The following STARD6 variants were observed in gnomAD, a reference collection of about 807,000 sequenced individuals.
STARD6 encodes the protein stAR-related lipid transfer protein 6.
STARD6 carries 21 observed loss-of-function variants against 22.3 expected under a neutral mutation model. The observed-to-expected ratio is 0.94, with a 90% CI of 0.67 to 1.35. The LOEUF (loss-of-function observed/expected upper bound fraction) is 1.35, where lower values mean the gene tolerates loss of function less well. Among genes scored for constraint, STARD6 ranks in the 40% most tolerant of loss-of-function variants. The pLI is 0.00. For missense variants in STARD6, 269 were observed against 266.9 expected (o/e 1.01, Z -0.05); for synonymous variants, 80 against 88.1 (o/e 0.91, Z 0.52).
chr18:54,330,050 G>T (rs1011456911), intron 6 of STARD6, among the ~76,000 whole-genome samples: 1 of 151,590 alleles, frequency 6.6e-6, no homozygotes, highest in Admixed American at 6.6e-5. Context: ...ATGCAGAGGG[G>T]GGTGGTTTAT....
intron 4 of STARD6, among the ~76,000 whole-genome samples, chr18:54,338,078 C>T (rs1212071418): frequency 6.6e-6 from 1 of 152,108 alleles, no homozygotes; most frequent in Non-Finnish European, 1.5e-5. Context: ...TAAGTATTTC[C>T]CAAGCCACAT....
rs2088865507 is a variant in STARD6, at chr18:54,331,634, A to C, written c.385+108T>G. The stretch of plus-strand genomic sequence containing the variant: ...ATTGTTGATCCCACTAAGTAAATTT[A>C]AAAAGGAAATAATTAAAATATAATT... On this transcript the variant is annotated intron_variant, in intron 6 of 7. Transcript: ENST00000307844. The C allele has an allele frequency of 1.8e-5, 15 of 811,188 alleles. No homozygotes were observed. The South Asian group carries it at 2.7e-4, about 15-fold the overall frequency. 50.2% of individuals were successfully genotyped at this position (811,188 alleles called of 1,614,324 possible). A position where few individuals can be genotyped will look rare whatever the true frequency, so the allele number is the denominator to read the frequency against.
intron 4 of STARD6, among the ~76,000 whole-genome samples, chr18:54,346,487 T>C (rs1002349418): frequency 3.3e-5 from 5 of 152,024 alleles, no homozygotes; most frequent in Admixed American, 2.6e-4. Context: ...GGCCAGTCTC[T>C]AAAATGATCT....
At chr18:54,350,606 A>G (rs1450439280) in intron 4 of STARD6, among the ~76,000 whole-genome samples, 2 of 152,140 alleles carry the variant, frequency 1.3e-5, no homozygotes, top group African/African-American at 2.4e-5. Context: ...TAGAGTTTTT[A>G]TGGTTTCAGG....
intron 4 of STARD6, among the ~76,000 whole-genome samples, chr18:54,345,818 C>T (rs186462334): frequency 3.6e-4 from 55 of 152,196 alleles, no homozygotes; most frequent in African/African-American, 1.3e-3. Flanking sequence ...GGAGCCCAGA[C>T]AATGTAATGG....
intron 4 of STARD6, among the ~76,000 whole-genome samples, chr18:54,353,769 A>G (rs762429066): frequency 8.5e-5 from 13 of 152,312 alleles, no homozygotes; most frequent in South Asian, 2.1e-4. Context: ...AGAAAATACC[A>G]ATCTGCTTTT....
intron 2 of STARD6, among the ~76,000 whole-genome samples, chr18:54,355,152 G>A (rs1403861750): frequency 4.6e-5 from 7 of 152,026 alleles, no homozygotes; most frequent in Non-Finnish European, 8.8e-5. Context: ...TGTCCACTTA[G>A]CTCCAATCAT....
chr18:54,328,433 C>T lies in STARD6; in HGVS notation c.479+914G>A, dbSNP rs7235312. Among the ~76,000 whole-genome samples the T allele has an allele frequency of 6.6e-3, 1,009 of 152,226 alleles. 7 individuals carry two copies. The highest frequency in any genetic ancestry group is 0.037 in the Middle Eastern group (11 of 294). ...TTACCCTTCATTTGTTTTGTTTTCT[C>T]CTGCTATGGAGAATAAAGTCTTGGC... On this transcript the variant is annotated intron_variant, in intron 7 of 7. Coordinates refer to ENST00000307844, the MANE Select transcript of STARD6 (RefSeq NM_139171.2).
chr18:54,327,657 C>G (rs1030410079), intron 7 of STARD6, among the ~76,000 whole-genome samples: 4 of 152,150 alleles, frequency 2.6e-5, no homozygotes, highest in Non-Finnish European at 5.9e-5. Context: ...ACGTAATTTA[C>G]TTTTCATCAA....
chr18:54,325,073 A>G (rs984107678), intron 7 of STARD6, among the ~76,000 whole-genome samples, 198 bp from the exon 8 acceptor site: 5 of 152,078 alleles, frequency 3.3e-5, no homozygotes, highest in Non-Finnish European at 7.4e-5. Flanking sequence ...CATTTTATTG[A>G]CTTTAAAAAA....
intron 3 of STARD6, 179 bp downstream of exon 3, chr18:54,354,305 G>T: frequency 1.5e-6 from 1 of 652,062 alleles, no homozygotes; most frequent in Non-Finnish European, 2.7e-6. Context: ...CATGGTGCAT[G>T]ACAGCCTCAA....
At chr18:54,356,215 C>G (rs982923526) in intron 2 of STARD6, 146 bp downstream of exon 2, 20 of 152,216 alleles carry the variant, frequency 1.3e-4, no homozygotes, top group African/African-American at 4.8e-4. Flanking sequence ...TCACTTAAAA[C>G]TCTTCAGGTT....
chr18:54,337,534 T>C (rs1190108305), intron 4 of STARD6, among the ~76,000 whole-genome samples: 1 of 152,240 alleles, frequency 6.6e-6, no homozygotes, highest in Non-Finnish European at 1.5e-5. Context: ...GATTTTTGAC[T>C]GTACGGTGGG....
At chr18:54,354,441 T>A in intron 3 of STARD6, 43 bp downstream of exon 3, 1 of 1,519,486 alleles carries the variant, frequency 6.6e-7, no homozygotes, top group South Asian at 1.2e-5. Flanking sequence ...TGTTTCTTAC[T>A]TAAAAACAAA....
chr18:54,347,781 T>C, intron 4 of STARD6, among the ~76,000 whole-genome samples: 1 of 152,134 alleles, frequency 6.6e-6, no homozygotes, highest in Non-Finnish European at 1.5e-5. Flanking sequence ...TAGAACTCTT[T>C]ATTTTGGTCA....
In STARD6 at chr18:54,333,091, T is replaced by C. The variant is rs141578473; in HGVS notation, c.268-1232A>G. ...AAGTCATATAATCTCTCTGAATTTG[T>C]TTTCAGGTTTTTGGATGTCACGTCT... is the stretch of plus-strand genomic sequence containing the variant. On this transcript the variant is annotated intron_variant, in intron 5 of 7. Transcript: ENST00000307844. Among the ~76,000 whole-genome samples the C allele has an allele frequency of 5.6e-4, 85 of 152,262 alleles. 3 individuals are homozygous for C. The East Asian group carries it at 0.014, about 24-fold the overall frequency.
At chr18:54,326,372 C>T (rs1372534162) in intron 7 of STARD6, among the ~76,000 whole-genome samples, 1 of 149,526 alleles carries the variant, frequency 6.7e-6, no homozygotes, top group African/African-American at 2.5e-5. Flanking sequence ...CACTCTGTCA[C>T]CCAGGCTGGA....
At chr18:54,329,881 T>C (rs2088852641) in intron 6 of STARD6, among the ~76,000 whole-genome samples, 1 of 151,846 alleles carries the variant, frequency 6.6e-6, no homozygotes, top group Non-Finnish European at 1.5e-5. Context: ...TCATGTTTTT[T>C]TTTTTAAATA....
chr18:54,353,617 G>A (rs896858190), intron 4 of STARD6, among the ~76,000 whole-genome samples: 1 of 152,196 alleles, frequency 6.6e-6, no homozygotes, highest in Admixed American at 6.5e-5. Flanking sequence ...CTGAGATTGT[G>A]CCACTGCACT....
Sources: gnomAD v4.1 joint callset for allele counts (sites outside exome capture counted in the v4.1 genomes callset) on GRCh38, gnomAD v4.1.1 for gene constraint, MANE v1.5 for transcripts, NCBI Gene and HGNC (gene_info 2026-07-23, HGNC 2026-07-21) for gene names.